Variants in GLRA3 observed in about 807,000 individuals in gnomAD.
GLRA3 encodes glycine receptor subunit alpha-3.
GLRA3 carries 44 observed loss-of-function variants against 60.4 expected under a neutral mutation model. The ratio of observed to expected loss-of-function variants is 0.73; its 90% confidence interval spans 0.57 to 0.94. The LOEUF (loss-of-function observed/expected upper bound fraction) is 0.94. Among genes scored for constraint, GLRA3 ranks in the 40% least tolerant of loss-of-function variants. The pLI, the probability that GLRA3 is intolerant of heterozygous loss-of-function variation, is 0.00. For missense variants in GLRA3, 508 were observed against 564.6 expected, an observed-to-expected ratio of 0.90 and a Z score of 1.02; for synonymous variants, 223 against 192.9, an observed-to-expected ratio of 1.16 and a Z score of -1.29.
At chr4:174,699,775 G>A (rs1344440970) in intron 5 of GLRA3, among the ~76,000 whole-genome samples, 1 of 148,836 alleles carries the variant, frequency 6.7e-6, no homozygotes, top group Non-Finnish European at 1.5e-5. Flanking sequence ...ATTAATATTT[G>A]TTAAATATTT....
chr4:174,790,105 T>A (rs1739266703), intron 1 of GLRA3, among the ~76,000 whole-genome samples: 1 of 152,192 alleles, frequency 6.6e-6, no homozygotes, highest in Non-Finnish European at 1.5e-5. Flanking sequence ...AGAATGAGAT[T>A]TCTGTAAGCA....
chr4:174,694,410 A>T (rs2111024275), intron 5 of GLRA3, among the ~76,000 whole-genome samples: 1 of 152,336 alleles, frequency 6.6e-6, no homozygotes, highest in East Asian at 1.9e-4. Flanking sequence ...AGTGCAATCA[A>T]AACAGAAGTC....
At chr4:174,754,475 G>A (rs1737610165) in intron 3 of GLRA3, among the ~76,000 whole-genome samples, 1 of 152,110 alleles carries the variant, frequency 6.6e-6, no homozygotes, top group Non-Finnish European at 1.5e-5. Context: ...ACATTAAAAG[G>A]ATAGCAGGAT....
intron 5 of GLRA3, among the ~76,000 whole-genome samples, chr4:174,700,817 A>G (rs1735284649): frequency 6.6e-6 from 1 of 152,214 alleles, no homozygotes; most frequent in South Asian, 2.1e-4. Flanking sequence ...CTTAAGCCTA[A>G]ACCAAATCTA....
intron 1 of GLRA3, among the ~76,000 whole-genome samples, chr4:174,827,631 C>T (rs1250880621): frequency 6.6e-6 from 1 of 151,490 alleles, no homozygotes; most frequent in Non-Finnish European, 1.5e-5. Context: ...AAAAATAGTT[C>T]AACTTCTTAT....
chr4:174,687,269 C>T (rs1579445095), intron 5 of GLRA3, among the ~76,000 whole-genome samples: 1 of 152,178 alleles, frequency 6.6e-6, no homozygotes, highest in Admixed American at 6.5e-5. Flanking sequence ...AACAATGCCA[C>T]TTTTATTTCG....
chr4:174,666,464 T>A (rs962989006), intron 7 of GLRA3, among the ~76,000 whole-genome samples: 1 of 152,004 alleles, frequency 6.6e-6, no homozygotes, highest in African/African-American at 2.4e-5. Context: ...AAGTTGTTTA[T>A]GAGCCAGGAG....
At chr4:174,754,890 T>C (rs1737631269) in intron 3 of GLRA3, among the ~76,000 whole-genome samples, 1 of 152,130 alleles carries the variant, frequency 6.6e-6, no homozygotes, top group East Asian at 1.9e-4. Context: ...CATAAAAATT[T>C]CAGCATTTTT....
At chr4:174,721,845 G>A (rs1328825743) in intron 4 of GLRA3, among the ~76,000 whole-genome samples, 3 of 151,378 alleles carry the variant, frequency 2.0e-5, no homozygotes, top group Non-Finnish European at 2.9e-5. Flanking sequence ...GTGTGTATAT[G>A]TGTGTATACA....
intron 6 of GLRA3, among the ~76,000 whole-genome samples, chr4:174,681,248 G>A (rs576193434): frequency 6.6e-6 from 1 of 152,180 alleles, no homozygotes; most frequent in South Asian, 2.1e-4. Context: ...TTACACTAAG[G>A]AAGTGTCTTG....
At chr4:174,723,085 A>G (rs924079471) in intron 4 of GLRA3, 1 of 167,024 alleles carries the variant, frequency 6.0e-6, no homozygotes, top group African/African-American at 2.4e-5. Flanking sequence ...CATTTATAAG[A>G]GACAAAATTC....
intron 9 of GLRA3, among the ~76,000 whole-genome samples, chr4:174,650,398 C>T (rs1732983683): frequency 6.6e-6 from 1 of 152,132 alleles, no homozygotes; most frequent in Admixed American, 6.6e-5. Context: ...CAAGTATCTG[C>T]TGCTAAAACA....
At chr4:174,686,627 G>A (rs558094445) in intron 5 of GLRA3, among the ~76,000 whole-genome samples, 1 of 152,316 alleles carries the variant, frequency 6.6e-6, no homozygotes, top group African/African-American at 2.4e-5. Context: ...TAAGTGGCAC[G>A]AGACAGGCAG....
At chr4:174,726,334 GA>G (rs1020492768) in intron 4 of GLRA3, among the ~76,000 whole-genome samples, 1 of 152,140 alleles carries the variant, frequency 6.6e-6, no homozygotes, top group African/African-American at 2.4e-5. Flanking sequence ...ACACTATCTT[GA>G]GTTAGGTGTG....
intron 5 of GLRA3, among the ~76,000 whole-genome samples, 190 bp from the exon 6 acceptor site, chr4:174,683,129 C>T (rs1734419010): frequency 6.6e-6 from 1 of 152,152 alleles, no homozygotes; most frequent in South Asian, 2.1e-4. Flanking sequence ...ACGTGGAACT[C>T]CCACCAAATA....
chr4:174,713,782 C>T (rs1261165550), intron 5 of GLRA3: 5 of 152,142 alleles, frequency 3.3e-5, no homozygotes, highest in African/African-American at 7.2e-5. Flanking sequence ...TCTCTACATT[C>T]GCCTCTTCAG....
chr4:174,805,306 T>A (rs1739996549), intron 1 of GLRA3, among the ~76,000 whole-genome samples: 1 of 152,142 alleles, frequency 6.6e-6, no homozygotes, highest in Non-Finnish European at 1.5e-5. Context: ...TCCCTCCTCT[T>A]GAAATTTGGC....
chr4:174,733,558 C>T (rs919108644), intron 3 of GLRA3, among the ~76,000 whole-genome samples: 1 of 152,142 alleles, frequency 6.6e-6, no homozygotes, highest in South Asian at 2.1e-4. Context: ...AGACAGTGTT[C>T]CTGTGCCTTA....
Position 174,711,532 on chromosome 4 carries a change from C to T in GLRA3, c.574+3956G>A, listed in dbSNP as rs147818993. The stretch of plus-strand genomic sequence containing the variant: ...TTGGCTCACTGCAACCCCCACCTCC[C>T]GGGTTCAAGCGATTCTCCAGCCTCA... On this transcript the variant is annotated intron_variant, in intron 5 of 9. Transcript: ENST00000274093. Among the ~76,000 whole-genome samples the T allele has an allele frequency of 1.7e-3, 256 of 151,644 alleles. 10 individuals carry two copies. The East Asian group carries it at 0.045, about 26-fold the overall frequency.
Sources: allele counts gnomAD v4.1 joint callset (sites outside exome capture counted in the v4.1 genomes callset), GRCh38; gene constraint gnomAD v4.1.1; transcripts MANE v1.5; gene names NCBI Gene and HGNC (gene_info 2026-07-23, HGNC 2026-07-21).